Variants in CDKAL1 observed in about 807,000 individuals in gnomAD.
CDKAL1 encodes the protein CDKAL1 threonylcarbamoyladenosine tRNA methylthiotransferase, also known as threonylcarbamoyladenosine tRNA methylthiotransferase.
In CDKAL1, 32 loss-of-function variants were observed where a neutral mutation model predicts 68.2. The ratio of observed to expected loss-of-function variants is 0.47; its 90% CI spans 0.35 to 0.63. The LOEUF (loss-of-function observed/expected upper bound fraction) is 0.63. Among genes scored for constraint, CDKAL1 ranks in the 30% least tolerant of loss-of-function variants. The probability of loss-of-function intolerance (pLI) is 0.00; values close to 1 mark genes in which losing one functional copy is unlikely to be tolerated. For synonymous variants in CDKAL1, 234 were observed against 244.3 expected (o/e 0.96, Z 0.39); for missense variants, 606 against 696.7 (o/e 0.87, Z 1.47).
Position 20,553,057 on chromosome 6 carries a change from T to C in CDKAL1, c.286+4352T>C, listed in dbSNP as rs568647499. ...TAAAATATACCTTATGTATAATGTATAGGGAGTTTATTGAAAACAGTATGC... is the reference window on the plus strand; with the variant it reads ...TAAAATATACCTTATGTATAATGTACAGGGAGTTTATTGAAAACAGTATGC... On this transcript the variant is annotated intron_variant, in intron 4 of 15. Transcript: ENST00000274695. 1.5e-4 allele frequency among the ~76,000 whole-genome samples: 23 copies of C among 152,310 alleles called. No individual in the cohort carries two copies. In the East Asian group the frequency reaches 4.4e-3, roughly 29 times the overall value.
chr6:20,661,613 A>G (rs1263086016), intron 5 of CDKAL1, among the ~76,000 whole-genome samples: 1 of 151,670 alleles, frequency 6.6e-6, no homozygotes, highest in Non-Finnish European at 1.5e-5. Flanking sequence ...AAACCAAATG[A>G]AACTGTAAAC....
rs756452527 is a variant in CDKAL1, at chr6:20,781,296, A to G, written c.638+31A>G. On this transcript the variant is annotated intron_variant, in intron 8 of 15. Coordinates refer to ENST00000274695, the MANE Select transcript of CDKAL1 (RefSeq NM_017774.3). ...CATCTCTCAAACTTGCTCATAAAAT[A>G]TTCAATATATTTCATGAATTCAGTT... 3 of 1,559,212 alleles carry G rather than the reference A, an allele frequency of 1.9e-6. No homozygotes were observed. In the South Asian group the frequency reaches 3.6e-5, roughly 19 times the overall value.
chr6:21,192,191 T>G (rs1778282195), intron 13 of CDKAL1, among the ~76,000 whole-genome samples: 1 of 148,862 alleles, frequency 6.7e-6, no homozygotes, highest in Non-Finnish European at 1.5e-5. Context: ...CCGGCTAATT[T>G]TTTGTATTTT....
chr6:20,878,709 C>G (rs1274459130), intron 9 of CDKAL1, among the ~76,000 whole-genome samples: 1 of 151,944 alleles, frequency 6.6e-6, no homozygotes, highest in Non-Finnish European at 1.5e-5. Context: ...GCACTCCAGC[C>G]TGGGTGACAG....
intron 4 of CDKAL1, among the ~76,000 whole-genome samples, chr6:20,588,903 TG>T (rs142808253): frequency 0.024 from 3,665 of 152,304 alleles, 133 homozygotes; most frequent in African/African-American, 0.077. Context: ...CATCCATTTC[TG>T]TTTTATAGGA....
intron 13 of CDKAL1, among the ~76,000 whole-genome samples, chr6:21,177,439 T>G (rs977407992): frequency 6.6e-6 from 1 of 152,216 alleles, no homozygotes; most frequent in African/African-American, 2.4e-5. Flanking sequence ...TTGTAATGAT[T>G]ATGAATTTTT....
At chr6:20,875,252 T>C (rs1471253405) in intron 9 of CDKAL1, among the ~76,000 whole-genome samples, 2 of 138,600 alleles carry the variant, frequency 1.4e-5, no homozygotes, top group Non-Finnish European at 3.0e-5. Context: ...TGAGCCGAGA[T>C]TGCGCCACTG....
At chr6:21,014,482 G>A (rs1293652205) in intron 11 of CDKAL1, among the ~76,000 whole-genome samples, 1 of 151,494 alleles carries the variant, frequency 6.6e-6, no homozygotes, top group Non-Finnish European at 1.5e-5. Flanking sequence ...GTGGCAGTGG[G>A]TGCCTGTAGT....
At chr6:20,672,497 A>G (rs1267686124) in intron 5 of CDKAL1, among the ~76,000 whole-genome samples, 1 of 148,076 alleles carries the variant, frequency 6.8e-6, no homozygotes, top group African/African-American at 2.5e-5. Flanking sequence ...TGGGATTACT[A>G]TTAGCCACCA....
intron 4 of CDKAL1, among the ~76,000 whole-genome samples, chr6:20,608,626 A>G (rs1254526801): frequency 2.6e-5 from 4 of 152,208 alleles, no homozygotes; most frequent in African/African-American, 9.6e-5. Flanking sequence ...GTTTGTGAGC[A>G]TGGGATAAAT....
At chr6:20,740,194 CT>C (rs913070371) in intron 6 of CDKAL1, among the ~76,000 whole-genome samples, 1 of 152,132 alleles carries the variant, frequency 6.6e-6, no homozygotes, top group African/African-American at 2.4e-5. Flanking sequence ...GTTTTTCAAT[CT>C]TTTTTTAAAA....
intron 11 of CDKAL1, among the ~76,000 whole-genome samples, chr6:21,046,905 C>G (rs1770267321): frequency 6.6e-6 from 1 of 152,166 alleles, no homozygotes. Context: ...AATGAAATCT[C>G]CACTTCATCT....
At chr6:21,007,482 CAAAAAAAAAAAAAAA>C (rs147527333) in intron 11 of CDKAL1, among the ~76,000 whole-genome samples, 15 of 84,550 alleles carry the variant, frequency 1.8e-4, no homozygotes, top group African/African-American at 6.8e-4. Context: ...GACCCTGTCT[CAAAAAAAAAAAAAAA>C]AAAAAAAAAA....
intron 12 of CDKAL1, among the ~76,000 whole-genome samples, chr6:21,070,366 G>T: frequency 7.0e-6 from 1 of 143,426 alleles, no homozygotes; most frequent in Non-Finnish European, 1.5e-5. Context: ...ATTTGGTTTT[G>T]GTTTGTTTGG....
At chr6:20,920,517 C>A (rs542759768) in intron 9 of CDKAL1, among the ~76,000 whole-genome samples, 1 of 152,286 alleles carries the variant, frequency 6.6e-6, no homozygotes, top group East Asian at 1.9e-4. Context: ...TTGATTCCCA[C>A]TTCCCTTTGT....
intron 8 of CDKAL1, among the ~76,000 whole-genome samples, chr6:20,812,630 C>G (rs975827203): frequency 6.6e-6 from 1 of 152,146 alleles, no homozygotes. Context: ...ATGAAACTAT[C>G]CAGTACGTTC....
chr6:21,042,995 GGACCACGTGAGTT>G (rs1770018917), intron 11 of CDKAL1, among the ~76,000 whole-genome samples: 1 of 152,094 alleles, frequency 6.6e-6, no homozygotes, highest in South Asian at 2.1e-4. Flanking sequence ...GTGCTTAGGA[GGACCACGTGAGTT>G]CATATATGGA....
intron 15 of CDKAL1, among the ~76,000 whole-genome samples, chr6:21,213,436 A>G (rs941045937): frequency 1.3e-5 from 2 of 152,214 alleles, no homozygotes; most frequent in Admixed American, 6.5e-5. Flanking sequence ...ATGCCATGAG[A>G]CGAGGAATTG....
At chr6:21,214,910 A>T (rs1487285175) in intron 15 of CDKAL1, among the ~76,000 whole-genome samples, 1 of 148,964 alleles carries the variant, frequency 6.7e-6, no homozygotes, top group African/African-American at 2.4e-5. Context: ...TGAATGAATG[A>T]ATTTGTTCCG....
Sources: allele counts gnomAD v4.1 joint callset (sites outside exome capture counted in the v4.1 genomes callset), GRCh38; gene constraint gnomAD v4.1.1; transcripts MANE v1.5; gene names NCBI Gene and HGNC (gene_info 2026-07-23, HGNC 2026-07-21).